TMEM132D: variants seen among roughly 807,000 people sequenced by gnomAD.
The protein encoded by TMEM132D is transmembrane protein 132D, also known as mature OL transmembrane protein.
Under a neutral mutation model 62.3 loss-of-function variants are expected in TMEM132D, and 21 were observed. The observed-to-expected ratio is 0.34, with a 90% CI of 0.24 to 0.49. TMEM132D has a LOEUF of 0.49. Ranked by LOEUF, TMEM132D falls within the 20% of genes least tolerant of loss-of-function variation. TMEM132D has a pLI of 0.99. For missense variants in TMEM132D, 1,346 were observed against 1,402.8 expected, an observed-to-expected ratio of 0.96 and a Z score of 0.65; for synonymous variants, 621 against 575.6, an observed-to-expected ratio of 1.08 and a Z score of -1.13.
intron 3 of TMEM132D, among the ~76,000 whole-genome samples, chr12:129,350,349 A>G (rs1434260640): frequency 7.9e-5 from 12 of 152,190 alleles, no homozygotes; most frequent in Admixed American, 7.9e-4. Context: ...AATGGAAGGA[A>G]CCTATCAAGT....
chr12:129,280,441 G>A (rs544641461), intron 4 of TMEM132D, among the ~76,000 whole-genome samples: 1 of 152,246 alleles, frequency 6.6e-6, no homozygotes, highest in African/African-American at 2.4e-5. Flanking sequence ...TGTTTGCAGT[G>A]GATTCATAAT....
At position 129,586,230 on chromosome 12, in the gene TMEM132D, G is replaced by C. The variant is rs112637976; in HGVS notation, c.969-55025C>G. Among the ~76,000 whole-genome samples the C allele has an allele frequency of 2.2e-3, 335 of 151,286 alleles. 2 individuals are homozygous for C. The highest frequency in any genetic ancestry group is 7.9e-3 in the African/African-American group (319 of 40,624). ...CCTGAATGTGATGGGAATCATGTAA[G>C]CCTCCTCCAGCCTTAGACCTTATAG... On this transcript the variant is annotated intron_variant, in intron 2 of 8. Transcript: ENST00000422113.
At chr12:129,356,080 G>A (rs537488388) in intron 3 of TMEM132D, among the ~76,000 whole-genome samples, 24 of 151,666 alleles carry the variant, frequency 1.6e-4, no homozygotes, top group Non-Finnish European at 2.8e-4. Context: ...TCCTGGAAGC[G>A]CTTCCTTCAT....
rs78044222 is a variant in TMEM132D at position 129,112,884 on chromosome 12, T to C, written c.1444-28182A>G. On this transcript the variant is annotated intron_variant, in intron 5 of 8. Transcript: ENST00000422113. ...TTGTGACCTAAGGAAGCCCTGAACC[T>C]CTTCTTGCTGTGAGTGTGAAGGGAG... Among the ~76,000 whole-genome samples, 1,386 of 152,298 alleles carry C rather than the reference T, an allele frequency of 9.1e-3. 28 individuals are homozygous for C. Among genetic ancestry groups the C allele is most frequent in the African/African-American group, 0.032 (1,322 of 41,554 alleles).
chr12:129,538,949 GCGA>G (rs1199548742), intron 2 of TMEM132D, among the ~76,000 whole-genome samples: 4 of 152,338 alleles, frequency 2.6e-5, no homozygotes, highest in South Asian at 2.1e-4. Context: ...GTGACCCCTG[GCGA>G]TAGGTCAGAA....
At chr12:129,810,711 C>G (rs1872147347) in intron 1 of TMEM132D, among the ~76,000 whole-genome samples, 1 of 152,158 alleles carries the variant, frequency 6.6e-6, no homozygotes, top group African/African-American at 2.4e-5. Context: ...TGAGTGGTAT[C>G]ATTCCAGGAA....
intron 5 of TMEM132D, chr12:129,085,053 G>A (rs1314005799): frequency 4.9e-6 from 2 of 404,082 alleles, no homozygotes; most frequent in South Asian, 6.2e-5. Flanking sequence ...AGAGTTACCC[G>A]GGAGTTATGT....
chr12:129,456,397 A>C (rs538894751), intron 3 of TMEM132D, among the ~76,000 whole-genome samples: 5 of 152,142 alleles, frequency 3.3e-5, no homozygotes, highest in Admixed American at 1.3e-4. Context: ...TTGAGTCTCT[A>C]GTTCTCCCAC....
intron 3 of TMEM132D, among the ~76,000 whole-genome samples, chr12:129,447,943 G>C (rs1873156178): frequency 1.3e-5 from 2 of 152,144 alleles, no homozygotes; most frequent in African/African-American, 4.8e-5. Context: ...AACAGTGAGT[G>C]CTTGACAACA....
chr12:129,669,696 C>T (rs939736209), intron 2 of TMEM132D, among the ~76,000 whole-genome samples: 1 of 147,998 alleles, frequency 6.8e-6, no homozygotes, highest in Non-Finnish European at 1.5e-5. Context: ...CGGAGCAAGA[C>T]TCCATCTCAA....
chr12:129,251,915 G>A (rs966914256), intron 4 of TMEM132D, among the ~76,000 whole-genome samples: 2 of 152,112 alleles, frequency 1.3e-5, no homozygotes, highest in African/African-American at 4.8e-5. Flanking sequence ...AACACAAGGT[G>A]GAAGGAACCT....
intron 2 of TMEM132D, among the ~76,000 whole-genome samples, chr12:129,643,791 C>T (rs932863699): frequency 3.9e-5 from 6 of 151,982 alleles, no homozygotes; most frequent in Admixed American, 3.9e-4. Flanking sequence ...CCCCTCCAGG[C>T]TTCCAGTTGT....
chr12:129,453,940 C>T (rs1026856657), intron 3 of TMEM132D, among the ~76,000 whole-genome samples: 2 of 152,184 alleles, frequency 1.3e-5, no homozygotes, highest in African/African-American at 2.4e-5. Context: ...TATCCCTTAA[C>T]CAGATGAACT....
chr12:129,266,735 C>G (rs540271673), intron 4 of TMEM132D, among the ~76,000 whole-genome samples: 3 of 151,956 alleles, frequency 2.0e-5, no homozygotes, highest in Non-Finnish European at 4.4e-5. Context: ...TTTCAGAGTT[C>G]TTATCAGCCA....
chr12:129,290,859 C>T, intron 4 of TMEM132D, among the ~76,000 whole-genome samples: 1 of 152,006 alleles, frequency 6.6e-6, no homozygotes, highest in East Asian at 1.9e-4. Context: ...TTGGTAGGGC[C>T]AGGTTCTCTA....
intron 1 of TMEM132D, among the ~76,000 whole-genome samples, chr12:129,759,284 C>A (rs912756490): frequency 6.6e-6 from 1 of 152,108 alleles, no homozygotes; most frequent in Non-Finnish European, 1.5e-5. Context: ...ATTGTGACTA[C>A]CAATTTGGAC....
chr12:129,090,823 G>A (rs998066895), intron 5 of TMEM132D, among the ~76,000 whole-genome samples: 1 of 152,170 alleles, frequency 6.6e-6, no homozygotes, highest in Non-Finnish European at 1.5e-5. Flanking sequence ...ATCTGACTTG[G>A]CCCTGATGGG....
Position 129,827,523 on chromosome 12 carries a change from G to C in TMEM132D, c.79+75738C>G, listed in dbSNP as rs1593177594. 6.6e-6 allele frequency among the ~76,000 whole-genome samples: 1 copy of C among 152,142 alleles called. No homozygotes were observed. Among genetic ancestry groups the C allele is most frequent in the South Asian group, 2.1e-4 (1 of 4,816 alleles). ...ACTATTTTACTTCTATGGCTGATTA[G>C]ACTGAGTCCACAGTAATTTCTGTCC... On this transcript the variant is annotated intron_variant, in intron 1 of 8. Transcript: ENST00000422113. The surrounding 1 kb of genome is among the most constrained non-coding windows in gnomAD (Gnocchi z 9.7).
At chr12:129,471,555 C>A (rs1202463322) in intron 3 of TMEM132D, among the ~76,000 whole-genome samples, 2 of 152,134 alleles carry the variant, frequency 1.3e-5, no homozygotes, top group South Asian at 2.1e-4. Context: ...GAAATGAAAC[C>A]AGTTACTGAC....
Sources: allele counts gnomAD v4.1 joint callset (sites outside exome capture counted in the v4.1 genomes callset), GRCh38; gene constraint gnomAD v4.1.1; non-coding constraint Gnocchi (gnomAD v3.1); transcripts MANE v1.5; gene names NCBI Gene and HGNC (gene_info 2026-07-23, HGNC 2026-07-21).